The following SCN8A variants were observed in gnomAD, a reference collection of about 807,000 sequenced individuals.
The protein encoded by SCN8A is sodium voltage-gated channel alpha subunit 8.
SCN8A carries 30 observed loss-of-function variants against 184.1 expected under a neutral mutation model. That is an observed-to-expected ratio of 0.16 (90% confidence interval 0.12 to 0.22). SCN8A has a LOEUF of 0.22. Ranked by LOEUF, SCN8A falls within the 10% of genes least tolerant of loss-of-function variation. The pLI is 1.00. For synonymous variants in SCN8A, 852 were observed against 907.0 expected (o/e 0.94, Z 1.09); for missense variants, 1,057 against 2,498.9 (o/e 0.42, Z 12.30).
At chr12:51,760,366 G>A (rs1419622423) in intron 14 of SCN8A, among the ~76,000 whole-genome samples, 1 of 152,164 alleles carries the variant, frequency 6.6e-6, no homozygotes, top group Non-Finnish European at 1.5e-5. Context: ...GCAACATGGT[G>A]GCTGACCTCT....
intron 2 of SCN8A, among the ~76,000 whole-genome samples, chr12:51,667,102 G>A (rs563509017): frequency 2.0e-5 from 3 of 152,204 alleles, no homozygotes; most frequent in African/African-American, 7.2e-5. Context: ...TTTAAAATAG[G>A]TAATATATTT....
rs1938684343 is a variant in SCN8A, at chr12:51,805,799, TTTA to T, written c.4796-480_4796-478del. 4.0e-5 allele frequency among the ~76,000 whole-genome samples: 6 copies of T among 151,494 alleles called. 1 individual carries two copies. The South Asian group carries it at 1.3e-3, about 32-fold the overall frequency. On this transcript the variant is annotated intron_variant, in intron 26 of 26. Transcript: ENST00000627620. The stretch of plus-strand genomic sequence containing the variant: ...GTGTGTTAGGCACATAGGTGTCTAT[TTTA>T]TTGTTTACTTTTCTATATGTTTAAA...
intron 9 of SCN8A, among the ~76,000 whole-genome samples, chr12:51,705,197 G>A (rs1941762180): frequency 6.6e-6 from 1 of 152,150 alleles, no homozygotes; most frequent in Admixed American, 6.5e-5. Flanking sequence ...TGTCACAATG[G>A]TTGGGAGATA....
rs148677467 is a variant in SCN8A at position 51,606,299 on chromosome 12, C to T, written c.-55+14940C>T. ...GAGATGAGGATCCAATTTCATTCTCCTACATGTGGCTAGCCAATTATCCCA... is the reference window on the plus strand; with the variant it reads ...GAGATGAGGATCCAATTTCATTCTCTTACATGTGGCTAGCCAATTATCCCA... On this transcript the variant is annotated intron_variant, in intron 1 of 26. Transcript: ENST00000627620. Among the ~76,000 whole-genome samples the T allele has an allele frequency of 9.3e-4, 142 of 152,254 alleles. 1 individual carries two copies. Among genetic ancestry groups the T allele is most frequent in the African/African-American group, 3.2e-3 (135 of 41,550 alleles).
intron 2 of SCN8A, among the ~76,000 whole-genome samples, chr12:51,679,949 C>T (rs930175476): frequency 2.6e-5 from 4 of 152,030 alleles, no homozygotes; most frequent in Admixed American, 6.6e-5. Flanking sequence ...TGGTCTTGAA[C>T]CGCTGACCTC....
At position 51,657,622 on chromosome 12, in the gene SCN8A, T is replaced by C. The variant is rs11169897; in HGVS notation, c.-54-5142T>C. Among the ~76,000 whole-genome samples, 9 of 152,282 alleles carry C rather than the reference T, an allele frequency of 5.9e-5. No individual in the cohort carries two copies. In the South Asian group the frequency reaches 1.0e-3, roughly 18 times the overall value. Reference sequence around the variant, plus strand: ...GTTTCCTTTGCTGTGCAGAAGCTTTTTAGTTTGATATAATCCCATTTGTCT... The same window carrying C: ...GTTTCCTTTGCTGTGCAGAAGCTTTCTAGTTTGATATAATCCCATTTGTCT... On this transcript the variant is annotated intron_variant, in intron 1 of 26. Transcript: ENST00000627620.
intron 14 of SCN8A, among the ~76,000 whole-genome samples, chr12:51,756,031 A>G (rs1411850239): frequency 6.6e-6 from 1 of 151,548 alleles, no homozygotes; most frequent in Non-Finnish European, 1.5e-5. Context: ...CACCAGTCCA[A>G]CTCACACATG....
intron 1 of SCN8A, among the ~76,000 whole-genome samples, chr12:51,598,297 C>T (rs538427252): frequency 6.6e-5 from 10 of 152,092 alleles, no homozygotes; most frequent in Non-Finnish European, 1.5e-4. Context: ...GGTATTCACT[C>T]CCCTCCAACA....
chr12:51,776,724 TC>T (rs1937712842), intron 20 of SCN8A, among the ~76,000 whole-genome samples: 1 of 152,224 alleles, frequency 6.6e-6, no homozygotes, highest in African/African-American at 2.4e-5. Flanking sequence ...CTTTTTGGTG[TC>T]CATTTGAGTA....
At position 51,690,306 on chromosome 12, in the gene SCN8A, A is replaced by G. The variant is rs181933559; in HGVS notation, c.706+1210A>G. Among the ~76,000 whole-genome samples the G allele has an allele frequency of 4.8e-4, 73 of 152,292 alleles. 1 individual carries two copies. The highest frequency in any genetic ancestry group is 9.0e-4 in the Non-Finnish European group (61 of 68,024). On this transcript the variant is annotated intron_variant, in intron 6 of 26. Coordinates refer to ENST00000627620, the MANE Select transcript of SCN8A (RefSeq NM_001330260.2). Reference sequence around the variant, plus strand: ...GGCATCCTATTCTTATCCTATTCCTATTACGTGGCTCTTCCCCTTGTGGCT... The same window carrying G: ...GGCATCCTATTCTTATCCTATTCCTGTTACGTGGCTCTTCCCCTTGTGGCT...
At position 51,751,341 on chromosome 12, in the gene SCN8A, C is replaced by A. The variant is rs1359384801; in HGVS notation, c.2132-14C>A. ...CTGTGATTGAGGGGCCATCTTTGTT[C>A]TTACTTACTGTAGAACTGGAAGAGT... On this transcript the variant is annotated splice_polypyrimidine_tract_variant and intron_variant, in intron 13 of 26. Coordinates refer to ENST00000627620, the MANE Select transcript of SCN8A (RefSeq NM_001330260.2). The A allele has an allele frequency of 1.3e-6, 2 of 1,588,670 alleles. No homozygotes were observed. Among genetic ancestry groups the A allele is most frequent in the Non-Finnish European group, 1.7e-6 (2 of 1,159,640 alleles).
At chr12:51,641,441 G>A (rs1251897120) in intron 1 of SCN8A, among the ~76,000 whole-genome samples, 2 of 152,156 alleles carry the variant, frequency 1.3e-5, no homozygotes, top group Non-Finnish European at 1.5e-5. Context: ...TACAGAAAAA[G>A]CACACAGAAT....
chr12:51,758,754 A>G (rs1444613500), intron 14 of SCN8A, among the ~76,000 whole-genome samples: 1 of 152,174 alleles, frequency 6.6e-6, no homozygotes, highest in Non-Finnish European at 1.5e-5. Flanking sequence ...CTGGTTTAAT[A>G]GAAGGTAGTT....
intron 15 of SCN8A, among the ~76,000 whole-genome samples, chr12:51,764,103 C>T (rs934879856): frequency 6.6e-6 from 1 of 152,106 alleles, no homozygotes; most frequent in Non-Finnish European, 1.5e-5. Context: ...ATTAAAAAGC[C>T]ACTCTGTTGA....
At chr12:51,723,039 A>G (rs1293819351) in intron 12 of SCN8A, 1 of 152,252 alleles carries the variant, frequency 6.6e-6, no homozygotes, top group African/African-American at 2.4e-5. Flanking sequence ...CTAACACAGC[A>G]TGAAGATAGC....
intron 1 of SCN8A, among the ~76,000 whole-genome samples, chr12:51,600,479 AG>A (rs1939439731): frequency 6.6e-6 from 1 of 152,232 alleles, no homozygotes. Context: ...GGGAAAGAAA[AG>A]GCCTTATCAG....
At chr12:51,603,330 A>G (rs1939509992) in intron 1 of SCN8A, among the ~76,000 whole-genome samples, 1 of 152,146 alleles carries the variant, frequency 6.6e-6, no homozygotes, top group African/African-American at 2.4e-5. Flanking sequence ...AGATTTAACC[A>G]TGTTGTTGTA....
In SCN8A at chr12:51,681,676, GA is replaced by G. The variant is rs1177247804; in HGVS notation, c.277-2496del. 4.6e-5 allele frequency among the ~76,000 whole-genome samples: 7 copies of G among 152,316 alleles called. No individual in the cohort carries two copies. The South Asian group carries it at 1.4e-3, about 32-fold the overall frequency. Reference sequence around the variant, plus strand: ...GAACCAGTATGCTCCATTACAGGAAGAATTTCACTGCAGTACAATGTCAAAC... The same window carrying G: ...GAACCAGTATGCTCCATTACAGGAAGATTTCACTGCAGTACAATGTCAAAC... On this transcript the variant is annotated intron_variant, in intron 2 of 26. Coordinates refer to ENST00000627620, the MANE Select transcript of SCN8A (RefSeq NM_001330260.2).
At chr12:51,617,034 G>T (rs909053237) in intron 1 of SCN8A, among the ~76,000 whole-genome samples, 1 of 152,032 alleles carries the variant, frequency 6.6e-6, no homozygotes, top group African/African-American at 2.4e-5. Context: ...CTGCTTTCAA[G>T]ATTTTTTATT....
Sources: allele counts gnomAD v4.1 joint callset (sites outside exome capture counted in the v4.1 genomes callset), GRCh38; gene constraint gnomAD v4.1.1; transcripts MANE v1.5; gene names NCBI Gene and HGNC (gene_info 2026-07-23, HGNC 2026-07-21).